TTC39B: variants seen among roughly 807,000 people sequenced by gnomAD.
TTC39B encodes the protein tetratricopeptide repeat domain 39B.
TTC39B carries 92 observed loss-of-function variants against 96.6 expected under a neutral mutation model. That is an observed-to-expected ratio of 0.95 (90% confidence interval 0.80 to 1.13). The LOEUF is 1.13. Among genes scored for constraint, TTC39B ranks in the 50% most tolerant of loss-of-function variants. The pLI, the probability that TTC39B is intolerant of heterozygous loss-of-function variation, is 0.00. For synonymous variants in TTC39B, 367 were observed against 299.4 expected (o/e 1.23, Z -2.33); for missense variants, 955 against 809.3 (o/e 1.18, Z -2.18).
intron 6 of TTC39B, among the ~76,000 whole-genome samples, chr9:15,205,348 A>C (rs1259180306): frequency 6.6e-6 from 1 of 152,258 alleles, no homozygotes; most frequent in Non-Finnish European, 1.5e-5. Flanking sequence ...AAATAGACTT[A>C]GATGACAACA....
chr9:15,235,847 C>A (rs1821752823), intron 2 of TTC39B, among the ~76,000 whole-genome samples: 1 of 152,144 alleles, frequency 6.6e-6, no homozygotes, highest in Admixed American at 6.5e-5. Context: ...ACAATACTCA[C>A]CATCATAAAA....
Position 15,190,592 on chromosome 9 carries a change from G to GTTAA in TTC39B, c.1063_1066dup (p.Thr356IlefsTer56). 1.2e-6 allele frequency: 2 copies of GTTAA among 1,614,148 alleles called. No homozygotes were observed. Among genetic ancestry groups the GTTAA allele is most frequent in the Non-Finnish European group, 1.7e-6 (2 of 1,180,018 alleles). On this transcript the variant is annotated frameshift_variant, in exon 11 of 20. Transcript: ENST00000512701. LOFTEE classifies it high-confidence loss of function. ...GATGTAAGTATGAAAAGCTAAGATG[G>GTTAA]TTAAGCAGCACAGTGCAGACCTCAT...
Position 15,210,073 on chromosome 9 carries a change from T to C in TTC39B, c.691+15A>G. ...TAAAATCAAGGAAAAAAGTGATCTT[T>C]TAAATGACTTTTACCTTCACTCAGT... On this transcript the variant is annotated intron_variant, in intron 6 of 19. Transcript: ENST00000512701. 1.3e-6 allele frequency: 2 copies of C among 1,572,586 alleles called. No homozygotes were observed. Among genetic ancestry groups the C allele is most frequent in the Non-Finnish European group, 1.7e-6 (2 of 1,155,114 alleles).
intron 1 of TTC39B, among the ~76,000 whole-genome samples, chr9:15,286,368 T>A (rs1479141458): frequency 6.6e-6 from 1 of 152,252 alleles, no homozygotes; most frequent in Non-Finnish European, 1.5e-5. Context: ...CAGTAGTATC[T>A]TCCTGTTCCT....
intron 7 of TTC39B, among the ~76,000 whole-genome samples, chr9:15,200,707 G>C (rs901560671): frequency 1.3e-5 from 2 of 152,230 alleles, no homozygotes; most frequent in Non-Finnish European, 2.9e-5. Flanking sequence ...ATTGATATCA[G>C]AAAGATGCTC....
intron 1 of TTC39B, among the ~76,000 whole-genome samples, chr9:15,268,900 T>A (rs1823234356): frequency 1.3e-5 from 2 of 152,160 alleles, no homozygotes; most frequent in South Asian, 4.1e-4. Context: ...TTCCATTGCA[T>A]TTAGAAAAAT....
At chr9:15,233,975 C>G (rs1009357955) in intron 2 of TTC39B, among the ~76,000 whole-genome samples, 2 of 150,410 alleles carry the variant, frequency 1.3e-5, no homozygotes, top group African/African-American at 4.9e-5. Flanking sequence ...CGCCGCCCAT[C>G]GTCTGAGATG....
At chr9:15,188,267 G>C in intron 13 of TTC39B, 135 bp from the exon 14 acceptor site, 2 of 822,072 alleles carry the variant, frequency 2.4e-6, no homozygotes, top group South Asian at 2.5e-5. Context: ...ATGATGATAT[G>C]TTCTTTTCCT....
At chr9:15,216,247 A>C (rs953051464) in intron 3 of TTC39B, among the ~76,000 whole-genome samples, 1 of 152,208 alleles carries the variant, frequency 6.6e-6, no homozygotes, top group Admixed American at 6.5e-5. Context: ...AGGTTGTTTT[A>C]GTCATTCCTG....
At chr9:15,275,747 T>A (rs1235166963) in intron 1 of TTC39B, among the ~76,000 whole-genome samples, 1 of 152,144 alleles carries the variant, frequency 6.6e-6, no homozygotes, top group African/African-American at 2.4e-5. Context: ...TTTACTACAG[T>A]CATGTTGTCT....
At chr9:15,235,501 G>T (rs1408118169) in intron 2 of TTC39B, among the ~76,000 whole-genome samples, 3 of 152,060 alleles carry the variant, frequency 2.0e-5, no homozygotes, top group African/African-American at 7.2e-5. Flanking sequence ...CTTCACCAAG[G>T]CATATAGTCA....
intron 2 of TTC39B, among the ~76,000 whole-genome samples, chr9:15,234,030 C>T (rs1324871755): frequency 1.6e-4 from 20 of 128,464 alleles, no homozygotes; most frequent in Admixed American, 3.8e-4. Flanking sequence ...ATGTGAGGAG[C>T]GCCTCTGACC....
At chr9:15,280,134 G>C (rs1392068754) in intron 1 of TTC39B, among the ~76,000 whole-genome samples, 1 of 152,134 alleles carries the variant, frequency 6.6e-6, no homozygotes, top group African/African-American at 2.4e-5. Flanking sequence ...CTGGCCTCAA[G>C]TAATCGGCCC....
At chr9:15,265,329 C>T (rs984908702) in intron 2 of TTC39B, among the ~76,000 whole-genome samples, 1 of 152,214 alleles carries the variant, frequency 6.6e-6, no homozygotes, top group Non-Finnish European at 1.5e-5. Context: ...GGTCACACTG[C>T]TCCCACTGGT....
At chr9:15,186,979 T>C (rs753312677) in exon 15 of TTC39B, 6 of 1,613,684 alleles carry the variant, frequency 3.7e-6, no homozygotes, top group Non-Finnish European at 5.1e-6. Context: ...TCGTTGCTAC[T>C]ACATCCTCCT....
intron 2 of TTC39B, among the ~76,000 whole-genome samples, chr9:15,238,395 C>T (rs1051664057): frequency 1.3e-5 from 2 of 152,076 alleles, no homozygotes; most frequent in Non-Finnish European, 1.5e-5. Context: ...CAGAAAACCC[C>T]GAAGACTCCT....
intron 6 of TTC39B, among the ~76,000 whole-genome samples, chr9:15,205,296 G>C (rs1427895550): frequency 2.6e-5 from 4 of 152,266 alleles, no homozygotes; most frequent in African/African-American, 7.2e-5. Context: ...TATGTGGACT[G>C]TGACTGAAAA....
exon 20 of TTC39B, chr9:15,164,691 A>G (rs1817486566): frequency 6.6e-6 from 1 of 152,230 alleles, no homozygotes; most frequent in Non-Finnish European, 1.5e-5. Flanking sequence ...ACACCAATAC[A>G]GAAATGAGTC....
chr9:15,184,547 T>C (rs1386621955), intron 16 of TTC39B, among the ~76,000 whole-genome samples: 1 of 152,220 alleles, frequency 6.6e-6, no homozygotes, highest in Non-Finnish European at 1.5e-5. Context: ...AGTAACTTGA[T>C]ATATTCAGTA....
Sources: allele counts gnomAD v4.1 joint callset (sites outside exome capture counted in the v4.1 genomes callset), GRCh38; gene constraint gnomAD v4.1.1; transcripts MANE v1.5; gene names NCBI Gene and HGNC (gene_info 2026-07-23, HGNC 2026-07-21).